The following CCDC117 variants were observed in gnomAD, a reference collection of about 807,000 sequenced individuals.
The protein encoded by CCDC117 is coiled-coil domain-containing protein 117.
In CCDC117, 1 loss-of-function variant was observed where a neutral mutation model predicts 23.5. That is an observed-to-expected ratio of 0.04 (90% CI 0.02 to 0.20). The LOEUF (loss-of-function observed/expected upper bound fraction) is 0.20, where lower values mean the gene tolerates loss of function less well. Among genes scored for constraint, CCDC117 ranks in the 10% least tolerant of loss-of-function variants. CCDC117 has a pLI of 1.00. For missense variants in CCDC117, 383 were observed against 348.2 expected (o/e 1.10, Z -0.80); for synonymous variants, 132 against 124.8 (o/e 1.06, Z -0.39).
intron 3 of CCDC117, 125 bp from the exon 4 acceptor site, chr22:28,783,383 T>G: frequency 1.2e-6 from 1 of 856,464 alleles, no homozygotes; most frequent in Non-Finnish European, 1.8e-6. Flanking sequence ...ATTTTTTGCT[T>G]GTTCTATTGC....
intron 2 of CCDC117, among the ~76,000 whole-genome samples, chr22:28,778,397 C>G (rs1319392138): frequency 1.3e-5 from 2 of 152,036 alleles, no homozygotes; most frequent in Non-Finnish European, 2.9e-5. Flanking sequence ...CACCTCAGAT[C>G]AGTAGTTTGA....
intron 1 of CCDC117, chr22:28,773,350 C>A: frequency 5.3e-6 from 1 of 187,004 alleles, no homozygotes; most frequent in Non-Finnish European, 1.1e-5. Flanking sequence ...TCGGCGCGGC[C>A]GCTGTTAGTG....
rs942132844 is a variant in CCDC117, at chr22:28,789,218, T to C, written c.*2892T>C. 6.6e-6 allele frequency: 1 copy of C among 152,244 alleles called. No individual in the cohort carries two copies. The allele number at this position is 152,244 out of a possible 1,614,324, so 9.4% of individuals were successfully genotyped here. On this transcript the variant is annotated 3_prime_UTR_variant, in exon 5 of 5. Coordinates refer to ENST00000249064, the MANE Select transcript of CCDC117 (RefSeq NM_173510.4). ...GTTCTAGGAATGTTCTGGAAGATGCTGTTAATTTTACTTTAAAATGAGAAT... is the reference window on the plus strand; with the variant it reads ...GTTCTAGGAATGTTCTGGAAGATGCCGTTAATTTTACTTTAAAATGAGAAT...
In CCDC117 at chr22:28,773,048, C is replaced by A. The variant is rs1195630671; in HGVS notation, c.185+14C>A. On this transcript the variant is annotated intron_variant, in intron 1 of 4. Transcript: ENST00000249064. ...GGCGCGCGGACGGTGAGGAGCCCGT[C>A]GGGCGCAGGGCGCAGGGCGGGCGGG... 3.0e-6 allele frequency: 2 copies of A among 662,786 alleles called. No individual in the cohort carries two copies. The highest frequency in any genetic ancestry group is 2.0e-5 in the African/African-American group (1 of 50,588). 41.1% of individuals were successfully genotyped at this position (662,786 alleles called of 1,614,324 possible). A position where few individuals can be genotyped will look rare whatever the true frequency, so the allele number is the denominator to read the frequency against.
chr22:28,780,479 T>TTTCATTCA (rs879529811), intron 2 of CCDC117, among the ~76,000 whole-genome samples: 6 of 152,282 alleles, frequency 3.9e-5, no homozygotes, highest in South Asian at 2.1e-4. Flanking sequence ...GGTTTCTTTT[T>TTTCATTCA]TTCATTCATT....
At chr22:28,773,667 C>T (rs187351707) in intron 1 of CCDC117, 58 bp from the exon 2 acceptor site, 23 of 1,417,742 alleles carry the variant, frequency 1.6e-5, no homozygotes, top group African/African-American at 1.5e-4. Context: ...AAAGAGGATA[C>T]TGAAACCACA....
intron 2 of CCDC117, among the ~76,000 whole-genome samples, chr22:28,775,623 G>A (rs904785416): frequency 2.0e-5 from 3 of 152,094 alleles, no homozygotes; most frequent in Non-Finnish European, 4.4e-5. Flanking sequence ...GTAAGGCCAG[G>A]CGCGGTGGCT....
chr22:28,780,834 C>A, intron 2 of CCDC117, 114 bp from the exon 3 acceptor site: 1 of 708,100 alleles, frequency 1.4e-6, no homozygotes, highest in Non-Finnish European at 2.4e-6. Flanking sequence ...TGTTACTACA[C>A]ACTTGTCAAA....
intron 3 of CCDC117, among the ~76,000 whole-genome samples, chr22:28,781,373 C>T (rs561396424): frequency 4.2e-3 from 15 of 3,536 alleles, no homozygotes; most frequent in Admixed American, 9.6e-3. Flanking sequence ...TTTTTTGAGA[C>T]GGAGTCTCGC....
At chr22:28,780,122 C>T (rs908183358) in intron 2 of CCDC117, among the ~76,000 whole-genome samples, 1 of 151,850 alleles carries the variant, frequency 6.6e-6, no homozygotes, top group Non-Finnish European at 1.5e-5. Flanking sequence ...TTGGAGAAGC[C>T]GGGTTAGTTT....
rs768786483 is a variant in CCDC117 at position 28,772,751 on chromosome 22, C to T, written c.-99C>T. ...GTGACGTGGGGTCGAGAGCGGGATC[C>T]GAGGCTGGCGGGTTTTGGCAGTAGC... On this transcript the variant is annotated 5_prime_UTR_variant, in exon 1 of 5. Coordinates refer to ENST00000249064, the MANE Select transcript of CCDC117 (RefSeq NM_173510.4). 2.0e-6 allele frequency: 2 copies of T among 982,344 alleles called. No homozygotes were observed. The highest frequency in any genetic ancestry group is 2.6e-6 in the Non-Finnish European group (2 of 768,780). The allele number at this position is 982,344 out of a possible 1,614,324, so 60.9% of individuals were successfully genotyped here.
rs1238492241 is a variant in CCDC117, at chr22:28,781,045, G to A, written c.337G>A (p.Val113Ile). The change falls in exon 3 of 5, where the codon GTA becomes ATA. Residue 113 changes from valine (V) to isoleucine (I), a missense_variant. Val to Ile is a conservative substitution (Grantham distance 29, BLOSUM62 3). Transcript: ENST00000249064. ...CAHQDVEGHGVNPSVSGLSIP... is the reference protein window; with the variant it reads ...CAHQDVEGHGINPSVSGLSIP... ...ACATCAGGATGTAGAGGGGCATGGA[G>A]TAAATCCCAGTGTTAGTGGCCTTTC... The A allele has an allele frequency of 1.2e-6, 2 of 1,613,960 alleles. No individual in the cohort carries two copies. Among genetic ancestry groups the A allele is most frequent in the East Asian group, 2.2e-5 (1 of 44,872 alleles).
In CCDC117 at chr22:28,781,060, A is replaced by G. The variant is rs767559143; in HGVS notation, c.352A>G (p.Ser118Gly). Residue 118 changes from serine to glycine, a missense_variant, in exon 3 of 5, where the codon AGT (serine) becomes GGT (glycine). Coordinates refer to ENST00000249064, the MANE Select transcript of CCDC117 (RefSeq NM_173510.4). The stretch of plus-strand genomic sequence containing the variant: ...GGGGCATGGAGTAAATCCCAGTGTT[A>G]GTGGCCTTTCCATACCTGGGATATT... ...VEGHGVNPSV[S>G]GLSIPGILDV... The G allele has an allele frequency of 3.7e-6, 6 of 1,613,788 alleles. No homozygotes were observed. In the Admixed American group the frequency reaches 5.0e-5, roughly 13 times the overall value.
chr22:28,783,347 T>C (rs1438062532), intron 3 of CCDC117, among the ~76,000 whole-genome samples, 161 bp from the exon 4 acceptor site: 1 of 152,214 alleles, frequency 6.6e-6, no homozygotes, highest in Non-Finnish European at 1.5e-5. Flanking sequence ...GGCCTGAGTA[T>C]ACCTTTTATA....
rs1306919105 is a variant in CCDC117, at chr22:28,787,874, A to G, written c.*1548A>G. On this transcript the variant is annotated 3_prime_UTR_variant, in exon 5 of 5. Transcript: ENST00000249064. ...TTTGTAGGAATCAGATACCTTTTGT[A>G]GAAAAAAATGGCTTATGCCACGTAA... 2 of 152,480 alleles carry G rather than the reference A, an allele frequency of 1.3e-5. No individual in the cohort carries two copies. The highest frequency in any genetic ancestry group is 2.9e-5 in the Non-Finnish European group (2 of 68,018). 9.4% of individuals were successfully genotyped at this position (152,480 alleles called of 1,614,324 possible).
chr22:28,786,090 A>G lies in CCDC117; in HGVS notation c.604A>G (p.Ser202Gly), dbSNP rs1459336619. 2 of 1,600,242 alleles carry G rather than the reference A, an allele frequency of 1.2e-6. No individual in the cohort carries two copies. Among genetic ancestry groups the G allele is most frequent in the Admixed American group, 1.8e-5 (1 of 55,722 alleles). Residue 202 changes from serine (S) to glycine (G), a missense_variant and splice_region_variant, in exon 5 of 5, where the codon AGC becomes GGC. By Grantham distance (56) the Ser-to-Gly change is moderately conservative. Transcript: ENST00000249064. ...VFTKKMIESM[S>G]RPSMELVLWK... Reference sequence around the variant, plus strand: ...AAAAGTCTGTATTTTATGTCTTAGGAGCCGTCCTTCCATGGAGCTTGTTCT... The same window carrying G: ...AAAAGTCTGTATTTTATGTCTTAGGGGCCGTCCTTCCATGGAGCTTGTTCT...
chr22:28,778,465 G>A (rs1032657755), intron 2 of CCDC117, among the ~76,000 whole-genome samples: 1 of 152,022 alleles, frequency 6.6e-6, no homozygotes, highest in Non-Finnish European at 1.5e-5. Flanking sequence ...AAAGTCAGCC[G>A]GGCGTGGTGG....
chr22:28,780,603 G>A (rs79646322), intron 2 of CCDC117, among the ~76,000 whole-genome samples: 6,831 of 152,182 alleles, frequency 0.045, 206 homozygotes, highest in Non-Finnish European at 0.065. Flanking sequence ...GGTATTACAG[G>A]TGTGAGCCAC....
rs1245388409 is a variant in CCDC117, at chr22:28,789,247, G to C, written c.*2921G>C. On this transcript the variant is annotated 3_prime_UTR_variant, in exon 5 of 5. Transcript: ENST00000249064. ...AATTTTACTTTAAAATGAGAATCTG[G>C]TGTTACTGTATTTTATCGTTTTCAA... The C allele has an allele frequency of 6.6e-6, 1 of 152,132 alleles. No homozygotes were observed. The highest frequency in any genetic ancestry group is 2.4e-5 in the African/African-American group (1 of 41,422). 9.4% of individuals were successfully genotyped at this position (152,132 alleles called of 1,614,324 possible).
Sources: gnomAD v4.1 joint callset for allele counts (sites outside exome capture counted in the v4.1 genomes callset) on GRCh38, gnomAD v4.1.1 for gene constraint, MANE v1.5 for transcripts, NCBI Gene and HGNC (gene_info 2026-07-23, HGNC 2026-07-21) for gene names.